Variants in ZFAND3 observed in about 807,000 individuals in gnomAD.
The protein encoded by ZFAND3 is AN1-type zinc finger protein 3.
In ZFAND3, 10 loss-of-function variants were observed where a neutral mutation model predicts 29.6. That is an observed-to-expected ratio of 0.34 (90% CI 0.21 to 0.57). The LOEUF (loss-of-function observed/expected upper bound fraction) is 0.57. ZFAND3 is among the 20% of genes least tolerant of loss of function. The probability of loss-of-function intolerance (pLI) is 0.86; values close to 1 mark genes in which losing one functional copy is unlikely to be tolerated. For missense variants in ZFAND3, 230 were observed against 304.5 expected (o/e 0.76, Z 1.82); for synonymous variants, 128 against 112.6 (o/e 1.14, Z -0.87).
At chr6:37,890,580 A>G (rs566247565) in intron 1 of ZFAND3, among the ~76,000 whole-genome samples, 4 of 152,244 alleles carry the variant, frequency 2.6e-5, no homozygotes, top group Non-Finnish European at 5.9e-5. Context: ...TTTCACAAAT[A>G]TATAGTGGAT....
chr6:37,834,778 A>C (rs1156447137), intron 1 of ZFAND3, among the ~76,000 whole-genome samples: 1 of 151,636 alleles, frequency 6.6e-6, no homozygotes, highest in Non-Finnish European at 1.5e-5. Context: ...TCATATATGC[A>C]TATATCATGC....
At chr6:37,912,067 T>C (rs1765533008) in intron 1 of ZFAND3, among the ~76,000 whole-genome samples, 1 of 147,904 alleles carries the variant, frequency 6.8e-6, no homozygotes, top group African/African-American at 2.5e-5. Context: ...TGTGTGTGTG[T>C]GTGTGATGGT....
chr6:38,048,348 G>A (rs569989625), intron 2 of ZFAND3, among the ~76,000 whole-genome samples: 4 of 151,634 alleles, frequency 2.6e-5, no homozygotes, highest in East Asian at 2.0e-4. Flanking sequence ...CAGGCCGGGC[G>A]CGGTGGCTCA....
chr6:38,150,763 C>T (rs1351028350), intron 5 of ZFAND3, among the ~76,000 whole-genome samples: 1 of 152,024 alleles, frequency 6.6e-6, no homozygotes, highest in Non-Finnish European at 1.5e-5. Flanking sequence ...TGGATGAGGG[C>T]TTAAAAGAAA....
intron 4 of ZFAND3, among the ~76,000 whole-genome samples, chr6:38,091,069 A>G (rs1359552701): frequency 6.6e-6 from 1 of 152,234 alleles, no homozygotes; most frequent in South Asian, 2.1e-4. Flanking sequence ...ACATAAGTGA[A>G]TAAGTGGAAC....
intron 2 of ZFAND3, among the ~76,000 whole-genome samples, chr6:37,999,587 C>T (rs1762909600): frequency 6.6e-6 from 1 of 152,182 alleles, no homozygotes; most frequent in Admixed American, 6.5e-5. Flanking sequence ...TTCCTCCAAT[C>T]CCATTAATCC....
chr6:37,883,288 A>G (rs1199952859), intron 1 of ZFAND3, among the ~76,000 whole-genome samples: 1 of 152,204 alleles, frequency 6.6e-6, no homozygotes, highest in Non-Finnish European at 1.5e-5. Context: ...AAAGTGAGTC[A>G]CACATAGTAC....
rs539970158 is a variant in ZFAND3 at position 37,819,864 on chromosome 6, C to T, written c.-82C>T. 9.6e-6 allele frequency: 10 copies of T among 1,038,772 alleles called. No homozygotes were observed. The South Asian group carries it at 3.7e-4, about 38-fold the overall frequency. 64.3% of individuals were successfully genotyped at this position (1,038,772 alleles called of 1,614,324 possible). A position where few individuals can be genotyped will look rare whatever the true frequency, so the allele number is the denominator to read the frequency against. On this transcript the variant is annotated 5_prime_UTR_variant, in exon 1 of 6. Transcript: ENST00000287218. ...CCCCGCCCCGAGCCCCCCGACGCCG[C>T]CGCCACCGCCTCCTCAGAGCGGGGC...
At chr6:37,998,073 G>A (rs1400297967) in intron 2 of ZFAND3, among the ~76,000 whole-genome samples, 1 of 152,200 alleles carries the variant, frequency 6.6e-6, no homozygotes, top group Non-Finnish European at 1.5e-5. Context: ...AACTAAAGAT[G>A]TTCTTCAATA....
chr6:38,111,066 A>T (rs1765306223), intron 4 of ZFAND3, among the ~76,000 whole-genome samples: 1 of 152,270 alleles, frequency 6.6e-6, no homozygotes, highest in Non-Finnish European at 1.5e-5. Flanking sequence ...ACAGAATTTT[A>T]AAAGAAGTAG....
intron 1 of ZFAND3, among the ~76,000 whole-genome samples, chr6:37,898,264 G>A (rs955559249): frequency 7.9e-5 from 12 of 152,074 alleles, no homozygotes; most frequent in African/African-American, 2.4e-4. Context: ...ACCCAGCTCC[G>A]TTTATTGAAA....
intron 2 of ZFAND3, among the ~76,000 whole-genome samples, chr6:37,940,419 C>T (rs938132373): frequency 6.6e-6 from 1 of 152,098 alleles, no homozygotes; most frequent in African/African-American, 2.4e-5. Flanking sequence ...TATTTTTGGG[C>T]CATTAATGTA....
At chr6:37,875,416 C>A (rs1764773437) in intron 1 of ZFAND3, among the ~76,000 whole-genome samples, 1 of 151,784 alleles carries the variant, frequency 6.6e-6, no homozygotes, top group Non-Finnish European at 1.5e-5. Context: ...ACCAATAATG[C>A]ATTAGTTGTT....
chr6:37,999,646 A>G lies in ZFAND3; in HGVS notation c.113-61947A>G, dbSNP rs758417449. The stretch of plus-strand genomic sequence containing the variant: ...ACAAACCCAAATTGATGAGCATTGT[A>G]CAAAATACCTGACCAGTACTCTTGA... On this transcript the variant is annotated intron_variant, in intron 2 of 5. Coordinates refer to ENST00000287218, the MANE Select transcript of ZFAND3 (RefSeq NM_021943.3). Among the ~76,000 whole-genome samples the G allele has an allele frequency of 7.7e-4, 117 of 152,234 alleles. 1 individual carries two copies. Among genetic ancestry groups the G allele is most frequent in the Admixed American group, 3.2e-3 (49 of 15,280 alleles).
chr6:38,012,778 T>G (rs1209926395), intron 2 of ZFAND3, among the ~76,000 whole-genome samples: 1 of 152,216 alleles, frequency 6.6e-6, no homozygotes, highest in African/African-American at 2.4e-5. Context: ...GGGTGATGGA[T>G]GCATCAGCCT....
At chr6:38,102,931 AT>A (rs1463408518) in intron 4 of ZFAND3, among the ~76,000 whole-genome samples, 3 of 151,948 alleles carry the variant, frequency 2.0e-5, no homozygotes, top group Non-Finnish European at 4.4e-5. Flanking sequence ...TAATTTTTGT[AT>A]TTTTAGTAGA....
intron 2 of ZFAND3, among the ~76,000 whole-genome samples, chr6:37,989,732 G>C (rs370639409): frequency 2.0e-5 from 3 of 152,288 alleles, no homozygotes; most frequent in African/African-American, 7.2e-5. Context: ...ATGGGTTCAG[G>C]AACAGCCAAG....
intron 2 of ZFAND3, among the ~76,000 whole-genome samples, chr6:37,985,555 T>A (rs1762657558): frequency 6.6e-6 from 1 of 150,468 alleles, no homozygotes; most frequent in Non-Finnish European, 1.5e-5. Flanking sequence ...TGGCACGTGC[T>A]TGTGGTTCCA....
At chr6:38,014,969 C>T (rs1376033771) in intron 2 of ZFAND3, among the ~76,000 whole-genome samples, 4 of 152,132 alleles carry the variant, frequency 2.6e-5, no homozygotes, top group Non-Finnish European at 4.4e-5. Context: ...TTGGAAGATA[C>T]GTTAGATCGT....
Sources: allele counts gnomAD v4.1 joint callset (sites outside exome capture counted in the v4.1 genomes callset), GRCh38; gene constraint gnomAD v4.1.1; transcripts MANE v1.5; gene names NCBI Gene and HGNC (gene_info 2026-07-23, HGNC 2026-07-21).